The following NLRP11 variants were observed in gnomAD, a reference collection of about 807,000 sequenced individuals.
NLRP11 encodes NACHT, LRR and PYD domains-containing protein 11.
Under a neutral mutation model 79.3 loss-of-function variants are expected in NLRP11, and 53 were observed. That is an observed-to-expected ratio of 0.67 (90% CI 0.54 to 0.84). The LOEUF (loss-of-function observed/expected upper bound fraction) is 0.84, where lower values mean the gene tolerates loss of function less well. Ranked by LOEUF, NLRP11 falls within the 40% of genes least tolerant of loss-of-function variation. NLRP11 has a pLI of 0.00. For missense variants in NLRP11, 1,264 were observed against 1,255.0 expected (o/e 1.01, Z -0.11); for synonymous variants, 518 against 462.6 (o/e 1.12, Z -1.54).
intron 7 of NLRP11, among the ~76,000 whole-genome samples, chr19:55,791,320 G>T (rs1364804748): frequency 6.6e-6 from 1 of 152,152 alleles, no homozygotes; most frequent in Non-Finnish European, 1.5e-5. Context: ...CCCCAAGGCA[G>T]CTTTCCCTAA....
upstream of NLRP11, among the ~76,000 whole-genome samples, chr19:55,835,950 C>A (rs1269048014): frequency 5.9e-5 from 9 of 152,226 alleles, no homozygotes. Context: ...ATGGCGAAAG[C>A]CCGTCTCTAC....
intron 1 of NLRP11, among the ~76,000 whole-genome samples, chr19:55,820,308 C>T (rs1600199854): frequency 6.6e-6 from 1 of 151,956 alleles, no homozygotes; most frequent in Non-Finnish European, 1.5e-5. Context: ...GTCGAGCAAA[C>T]TTTGGCAGCC....
chr19:55,796,933 C>A (rs545013618), intron 5 of NLRP11, among the ~76,000 whole-genome samples: 1 of 152,260 alleles, frequency 6.6e-6, no homozygotes, highest in South Asian at 2.1e-4. Context: ...AGGGGATCCA[C>A]CCGCCTCGGC....
intron 6 of NLRP11, among the ~76,000 whole-genome samples, chr19:55,793,029 T>C (rs1177565047): frequency 6.6e-6 from 1 of 152,164 alleles, no homozygotes; most frequent in Non-Finnish European, 1.5e-5. Context: ...TATTTTTTTT[T>C]CCATTATTTA....
rs201476127 is a variant in NLRP11, at chr19:55,830,598, T to TAAAAAAAAAAAAAAAAA, written c.-63+1348_-63+1364dup. ...GCCTAGTGATGGCTTCTTAGCTTCC[T>TAAAAAAAAAAAAAAAAA]AAAAAAAAAAAAAAAAATGCAACGT... On this transcript the variant is annotated intron_variant, in intron 1 of 9. Transcript: ENST00000589093. Among the ~76,000 whole-genome samples the TAAAAAAAAAAAAAAAAA allele has an allele frequency of 4.6e-5, 6 of 129,204 alleles. No homozygotes were observed. The East Asian group carries it at 9.5e-4, about 20-fold the overall frequency. 84.8% of individuals were successfully genotyped at this position (129,204 alleles called of 152,430 possible).
intron 9 of NLRP11, 116 bp from the exon 10 acceptor site, chr19:55,785,987 G>A (rs1989857196): frequency 1.8e-6 from 2 of 1,138,422 alleles, no homozygotes; most frequent in African/African-American, 3.1e-5. Context: ...AGTATCTCAA[G>A]CCATCTCTGA....
At chr19:55,794,368 C>G (rs1978594485) in intron 6 of NLRP11, among the ~76,000 whole-genome samples, 1 of 152,066 alleles carries the variant, frequency 6.6e-6, no homozygotes, top group Non-Finnish European at 1.5e-5. Context: ...TGGTCTGTCC[C>G]TTTTTTCATG....
At chr19:55,793,530 T>A (rs1306999733) in intron 6 of NLRP11, among the ~76,000 whole-genome samples, 1 of 114,420 alleles carries the variant, frequency 8.7e-6, no homozygotes, top group African/African-American at 3.4e-5. Flanking sequence ...ATTGCACCAC[T>A]GCACTCCAGC....
chr19:55,785,944 T>C lies in NLRP11; in HGVS notation c.2856-73A>G, dbSNP rs573456824. On this transcript the variant is annotated intron_variant, in intron 9 of 9. Transcript: ENST00000589093. ...TCAGCTTTGTTGCATCAATGACTAA[T>C]TCCCCATATGGCATCCTTTGGGTAT... The C allele has an allele frequency of 6.1e-6, 9 of 1,470,356 alleles. No individual in the cohort carries two copies. The South Asian group carries it at 1.0e-4, about 17-fold the overall frequency. 91.1% of individuals were successfully genotyped at this position (1,470,356 alleles called of 1,614,324 possible). A position where few individuals can be genotyped will look rare whatever the true frequency, so the allele number is the denominator to read the frequency against.
chr19:55,816,562 A>G (rs755194420), intron 2 of NLRP11, among the ~76,000 whole-genome samples: 16 of 152,208 alleles, frequency 1.1e-4, no homozygotes, highest in Admixed American at 5.2e-4. Context: ...AAATGAGCCA[A>G]TGATGACGAC....
At chr19:55,789,669 T>C (rs1990120071) in intron 7 of NLRP11, among the ~76,000 whole-genome samples, 1 of 152,238 alleles carries the variant, frequency 6.6e-6, no homozygotes, top group South Asian at 2.1e-4. Flanking sequence ...TTAAGCATTT[T>C]TGTCCCGGGA....
chr19:55,833,974 C>G (rs1229430639), upstream of NLRP11, among the ~76,000 whole-genome samples: 3 of 151,852 alleles, frequency 2.0e-5, no homozygotes, highest in East Asian at 5.8e-4. Context: ...GATCCCTTCT[C>G]CCTACCTTAG....
intron 5 of NLRP11, 84 bp from the exon 6 acceptor site, chr19:55,796,334 ACCT>A: frequency 4.4e-6 from 5 of 1,127,366 alleles, no homozygotes; most frequent in Non-Finnish European, 6.2e-6. Flanking sequence ...AAAAAGAGAG[ACCT>A]AACCAAGTGC....
chr19:55,814,309 A>T (rs747933432), intron 2 of NLRP11, among the ~76,000 whole-genome samples: 4 of 152,170 alleles, frequency 2.6e-5, no homozygotes, highest in Non-Finnish European at 5.9e-5. Flanking sequence ...GTGATTCTAC[A>T]TCATGGCGAG....
chr19:55,812,920 A>C (rs1263849542), intron 2 of NLRP11, among the ~76,000 whole-genome samples: 1 of 152,154 alleles, frequency 6.6e-6, no homozygotes. Context: ...TCAAGTTAAT[A>C]ATGTGCATTT....
chr19:55,793,556 C>CAAAAAAAA (rs59605427), intron 6 of NLRP11, among the ~76,000 whole-genome samples: 14 of 35,688 alleles, frequency 3.9e-4, no homozygotes, highest in Admixed American at 1.2e-3. Flanking sequence ...TGACTGTCTC[C>CAAAAAAAA]AAAAAAAAAA....
Position 55,809,409 on chromosome 19 carries a change from C to A in NLRP11, c.1201G>T (p.Ala401Ser). ...GTGCTCAGAAACAGTCCTCCTGCAG[C>A]CAGCAAACACAGACGTTTTAGGAGA... The change falls in exon 3 of 10, where the codon GCT (alanine) becomes TCT (serine). Residue 401 changes from alanine to serine, a missense_variant. Physicochemically the swap from Ala to Ser is moderately conservative, Grantham distance 99. Coordinates refer to ENST00000589093, the Ensembl canonical transcript of NLRP11. This position sits in a 1 kb window ranked among gnomAD's most constrained non-coding sequence, Gnocchi z 4.5. 6.2e-7 allele frequency: 1 copy of A among 1,614,170 alleles called. No individual in the cohort carries two copies. Among genetic ancestry groups the A allele is most frequent in the African/African-American group, 1.3e-5 (1 of 75,032 alleles).
At chr19:55,829,840 A>G (rs535148165) in intron 1 of NLRP11, among the ~76,000 whole-genome samples, 128 of 152,266 alleles carry the variant, frequency 8.4e-4, no homozygotes, top group African/African-American at 3.1e-3. Context: ...GCCCCTAGGC[A>G]GTCAAAAACC....
chr19:55,823,929 C>G (rs1392456772), intron 1 of NLRP11, among the ~76,000 whole-genome samples: 4 of 139,496 alleles, frequency 2.9e-5, no homozygotes, highest in African/African-American at 1.1e-4. Flanking sequence ...AAAGATACTC[C>G]TCGAGAAGAG....
Sources: gnomAD v4.1 joint callset for allele counts (sites outside exome capture counted in the v4.1 genomes callset) on GRCh38, gnomAD v4.1.1 for gene constraint, Gnocchi (gnomAD v3.1) non-coding constraint, MANE v1.5 for transcripts, NCBI Gene and HGNC (gene_info 2026-07-23, HGNC 2026-07-21) for gene names.